Variants in RPS10 observed in about 807,000 individuals in gnomAD.
RPS10 encodes the protein small ribosomal subunit protein eS10.
RPS10 carries 2 observed loss-of-function variants against 22.6 expected under a neutral mutation model. The ratio of observed to expected loss-of-function variants is 0.09; its 90% CI spans 0.04 to 0.28. RPS10 has a LOEUF of 0.28. RPS10 is among the 10% of genes least tolerant of loss of function. RPS10 has a pLI of 1.00. For missense variants in RPS10, 137 were observed against 222.2 expected, an observed-to-expected ratio of 0.62 and a Z score of 2.44; for synonymous variants, 70 against 75.9, an observed-to-expected ratio of 0.92 and a Z score of 0.40.
At chr6:34,425,336 G>T (rs1765918913) in intron 1 of RPS10, 115 bp from the exon 2 acceptor site, 6 of 1,378,478 alleles carry the variant, frequency 4.4e-6, no homozygotes, top group Non-Finnish European at 6.0e-6. Context: ...ATGCTGGTGG[G>T]AAGACTCAAC....
Position 34,425,859 on chromosome 6 carries a change from C to T in RPS10, c.-1+173G>A, listed in dbSNP as rs148469918. 5.1e-3 allele frequency: 801 copies of T among 156,286 alleles called. 6 individuals are homozygous for T. Among genetic ancestry groups the T allele is most frequent in the African/African-American group, 0.014 (574 of 41,608 alleles). 9.7% of individuals were successfully genotyped at this position (156,286 alleles called of 1,614,324 possible). On this transcript the variant is annotated intron_variant, in intron 1 of 5. Coordinates refer to ENST00000648437, the MANE Select transcript of RPS10 (RefSeq NM_001014.5). The stretch of plus-strand genomic sequence containing the variant: ...CTCTCCCTCGGACAATCTTCGCCTA[C>T]CAGCGGCCCCCTACCCCATAAAATA...
chr6:34,419,831 G>C (rs1425902502), intron 4 of RPS10, among the ~76,000 whole-genome samples: 2 of 152,148 alleles, frequency 1.3e-5, no homozygotes, highest in Non-Finnish European at 2.9e-5. Flanking sequence ...GCCCGCCTCG[G>C]CCTCCCAAAG....
rs567606563 is a variant in RPS10 at position 34,421,489 on chromosome 6, C to T, written c.400+241G>A. 3.3e-5 allele frequency among the ~76,000 whole-genome samples: 5 copies of T among 152,002 alleles called. No individual in the cohort carries two copies. The East Asian group carries it at 7.7e-4, about 23-fold the overall frequency. On this transcript the variant is annotated intron_variant, in intron 4 of 5. Coordinates refer to ENST00000648437, the MANE Select transcript of RPS10 (RefSeq NM_001014.5). ...GATTACAGACATGAGCCACTGAGCC[C>T]GGCCTGAGTTTTGTTTTTTAAAAAA...
At chr6:34,419,059 C>T (rs1416768638) in intron 4 of RPS10, among the ~76,000 whole-genome samples, 1 of 152,120 alleles carries the variant, frequency 6.6e-6, no homozygotes, top group East Asian at 1.9e-4. Context: ...GCTCTTGTTG[C>T]CCAGGCTAGA....
Position 34,421,731 on chromosome 6 carries a change from T to C in RPS10, c.399A>G (p.Pro133=), listed in dbSNP as rs1165740103. The change falls in exon 4 of 6, where the codon CCA becomes CCG. Residue 133 remains proline (P), a splice_region_variant and synonymous_variant. Coordinates refer to ENST00000648437, the MANE Select transcript of RPS10 (RefSeq NM_001014.5). Reference sequence around the variant, plus strand: ...AATATAGGTGATGCATTTACTCACGTGGCACAGCACTCCGTCTGTAGGTAT... The same window carrying C: ...AATATAGGTGATGCATTTACTCACGCGGCACAGCACTCCGTCTGTAGGTAT... The part of the protein sequence containing the change: ...DRDTYRRSAV[P]PGADKKAEAG... 6.2e-7 allele frequency: 1 copy of C among 1,613,820 alleles called. No individual in the cohort carries two copies. The highest frequency in any genetic ancestry group is 1.1e-5 in the South Asian group (1 of 91,062).
At chr6:34,423,950 GT>G (rs1765857971) in intron 3 of RPS10, among the ~76,000 whole-genome samples, 1 of 151,834 alleles carries the variant, frequency 6.6e-6, no homozygotes, top group Admixed American at 6.6e-5. Context: ...GCTCCATAAG[GT>G]AACTCTCCAG....
At chr6:34,418,292 C>T (rs1765644661) in intron 5 of RPS10, 77 bp downstream of exon 5, 9 of 1,610,490 alleles carry the variant, frequency 5.6e-6, no homozygotes, top group Non-Finnish European at 7.6e-6. Flanking sequence ...TATATGACAT[C>T]CCCACAACTT....
At position 34,424,372 on chromosome 6, in the gene RPS10, A is replaced by C. The variant is rs199777181; in HGVS notation, c.322+297T>G. Reference sequence around the variant, plus strand: ...GCTTTGGACTTCTCGGGAATAGTACAACGCACTCTGCGGGAAAAGTTACTC... The same window carrying C: ...GCTTTGGACTTCTCGGGAATAGTACCACGCACTCTGCGGGAAAAGTTACTC... On this transcript the variant is annotated intron_variant, in intron 3 of 5. Coordinates refer to ENST00000648437, the MANE Select transcript of RPS10 (RefSeq NM_001014.5). 2.1e-4 allele frequency: 88 copies of C among 409,916 alleles called. 1 individual carries two copies. The East Asian group carries it at 4.7e-3, about 22-fold the overall frequency. The allele number at this position is 409,916 out of a possible 1,614,324, so 25.4% of individuals were successfully genotyped here.
chr6:34,417,909 C>G lies in RPS10; in HGVS notation c.457-362G>C, dbSNP rs1052229988. 1.4e-5 allele frequency: 10 copies of G among 718,302 alleles called. No homozygotes were observed. In the Admixed American group the frequency reaches 2.0e-4, roughly 14 times the overall value. 44.5% of individuals were successfully genotyped at this position (718,302 alleles called of 1,614,324 possible). Reference sequence around the variant, plus strand: ...TGTGCTATGAGGACCTGCCATAGGACAAAAATGATATGCCAGTACTATGCC... The same window carrying G: ...TGTGCTATGAGGACCTGCCATAGGAGAAAAATGATATGCCAGTACTATGCC... On this transcript the variant is annotated intron_variant, in intron 5 of 5. Transcript: ENST00000648437.
rs142131862 is a variant in RPS10 at position 34,419,468 on chromosome 6, C to G, written c.401-1044G>C. 8.6e-4 allele frequency among the ~76,000 whole-genome samples: 131 copies of G among 152,154 alleles called. No homozygotes were observed. The East Asian group carries it at 0.011, about 12-fold the overall frequency. ...GTGAGCCACTGCACCCAGCCAATTACAAAGACTTAAGAAAAAAAGAATGTA... is the reference window on the plus strand; with the variant it reads ...GTGAGCCACTGCACCCAGCCAATTAGAAAGACTTAAGAAAAAAAGAATGTA... On this transcript the variant is annotated intron_variant, in intron 4 of 5. Coordinates refer to ENST00000648437, the MANE Select transcript of RPS10 (RefSeq NM_001014.5).
intron 3 of RPS10, among the ~76,000 whole-genome samples, chr6:34,423,035 G>A (rs1243732273): frequency 6.6e-6 from 1 of 152,080 alleles, no homozygotes; most frequent in Non-Finnish European, 1.5e-5. Flanking sequence ...AATTGGGATC[G>A]TGACACTGCA....
rs577643557 is a variant in RPS10, at chr6:34,421,447, T to C, written c.400+283A>G. ...AATCTGCCCACTTCGACCCCCCCCC[T>C]CCAACCAAAGTGCTGGGATTACAGA... is the stretch of plus-strand genomic sequence containing the variant. On this transcript the variant is annotated intron_variant, in intron 4 of 5. Transcript: ENST00000648437. 9.1e-3 allele frequency among the ~76,000 whole-genome samples: 1,357 copies of C among 148,958 alleles called. 18 individuals are homozygous for C. Among genetic ancestry groups the C allele is most frequent in the Middle Eastern group, 0.024 (7 of 292 alleles).
At chr6:34,421,652 C>T (rs1309506928) in intron 4 of RPS10, 78 bp downstream of exon 4, 37 of 1,521,520 alleles carry the variant, frequency 2.4e-5, no homozygotes, top group Non-Finnish European at 3.1e-5. Flanking sequence ...AGGGCTGAGC[C>T]CCACCCAGCC....
chr6:34,420,644 G>A (rs1244523858), intron 4 of RPS10, among the ~76,000 whole-genome samples: 1 of 152,086 alleles, frequency 6.6e-6, no homozygotes, highest in South Asian at 2.1e-4. Flanking sequence ...ACAGAAAAAA[G>A]CTAAGAGTGG....
intron 1 of RPS10, 107 bp from the exon 2 acceptor site, chr6:34,425,328 G>A (rs1017077835): frequency 1.4e-6 from 2 of 1,433,984 alleles, no homozygotes; most frequent in Non-Finnish European, 1.9e-6. Flanking sequence ...TAGACAACAT[G>A]CTGGTGGGAA....
chr6:34,425,633 G>A (rs1008897215), intron 1 of RPS10: 3 of 273,566 alleles, frequency 1.1e-5, no homozygotes, highest in South Asian at 3.6e-5. Context: ...GCTTCTTGAA[G>A]GCGGCAGACC....
intron 3 of RPS10, among the ~76,000 whole-genome samples, chr6:34,423,595 G>A (rs1004748162): frequency 6.6e-6 from 1 of 152,104 alleles, no homozygotes; most frequent in East Asian, 1.9e-4. Flanking sequence ...CTAAAAAGAC[G>A]TATTATGGGC....
At chr6:34,424,441 G>A in intron 3 of RPS10, 1 of 561,248 alleles carries the variant, frequency 1.8e-6, no homozygotes, top group Non-Finnish European at 3.2e-6. Flanking sequence ...ACAGGTGTGG[G>A]TGAAGAAAGT....
intron 3 of RPS10, among the ~76,000 whole-genome samples, chr6:34,422,301 G>A (rs1299520982): frequency 6.6e-6 from 1 of 152,110 alleles, no homozygotes; most frequent in African/African-American, 2.4e-5. Flanking sequence ...TATATATTAA[G>A]GCAGAAACTT....
Sources: gnomAD v4.1 joint callset for allele counts (sites outside exome capture counted in the v4.1 genomes callset) on GRCh38, gnomAD v4.1.1 for gene constraint, MANE v1.5 for transcripts, NCBI Gene and HGNC (gene_info 2026-07-23, HGNC 2026-07-21) for gene names.